STK32B: variants seen among roughly 807,000 people sequenced by gnomAD.
STK32B encodes serine/threonine-protein kinase 32B.
Under a neutral mutation model 52.6 loss-of-function variants are expected in STK32B, and 43 were observed. The observed-to-expected ratio is 0.82, with a 90% CI of 0.64 to 1.05. The LOEUF is 1.05. STK32B is among the 50% of genes least tolerant of loss of function. STK32B has a pLI of 0.00. For synonymous variants in STK32B, 238 were observed against 204.3 expected (o/e 1.17, Z -1.41); for missense variants, 621 against 534.6 (o/e 1.16, Z -1.59).
chr4:5,189,999 G>A (rs564952932), intron 3 of STK32B, among the ~76,000 whole-genome samples: 8 of 152,140 alleles, frequency 5.3e-5, no homozygotes, highest in Non-Finnish European at 7.3e-5. Flanking sequence ...AAGAATAAAT[G>A]TCCTTGTCTT....
intron 2 of STK32B, among the ~76,000 whole-genome samples, chr4:5,162,288 T>G (rs1222311775): frequency 6.6e-6 from 1 of 152,212 alleles, no homozygotes; most frequent in Non-Finnish European, 1.5e-5. Context: ...GAAATCATTC[T>G]CAACTCTGGT....
intron 4 of STK32B, among the ~76,000 whole-genome samples, chr4:5,372,832 G>C (rs1424835981): frequency 6.6e-6 from 1 of 151,952 alleles, no homozygotes; most frequent in South Asian, 2.1e-4. Context: ...TTATGCTATG[G>C]AGCATGAAAG....
At chr4:5,497,176 T>C (rs1259478957) in intron 11 of STK32B, among the ~76,000 whole-genome samples, 14 of 152,204 alleles carry the variant, frequency 9.2e-5, no homozygotes, top group Non-Finnish European at 7.3e-5. Context: ...CCTGCAGTAT[T>C]TGAACATGTT....
At chr4:5,340,447 C>T (rs1733000321) in intron 4 of STK32B, among the ~76,000 whole-genome samples, 1 of 152,142 alleles carries the variant, frequency 6.6e-6, no homozygotes, top group South Asian at 2.1e-4. Context: ...TTGAGAGGCC[C>T]CAGGTGGGTG....
chr4:5,447,743 T>C (rs1309742735), intron 7 of STK32B, among the ~76,000 whole-genome samples: 1 of 152,254 alleles, frequency 6.6e-6, no homozygotes, highest in African/African-American at 2.4e-5. Context: ...CATGGTTTCC[T>C]CATTGTTATA....
intron 1 of STK32B, among the ~76,000 whole-genome samples, chr4:5,096,380 C>T (rs766839236): frequency 2.0e-5 from 3 of 152,184 alleles, no homozygotes; most frequent in Non-Finnish European, 2.9e-5. Context: ...GGAGCCAGCA[C>T]GTGGTCAACA....
At chr4:5,153,871 T>G (rs1277666677) in intron 2 of STK32B, among the ~76,000 whole-genome samples, 1 of 152,192 alleles carries the variant, frequency 6.6e-6, no homozygotes, top group African/African-American at 2.4e-5. Flanking sequence ...AAACTATGTT[T>G]ATGCTTTGGA....
intron 3 of STK32B, among the ~76,000 whole-genome samples, chr4:5,293,337 T>C (rs1729003262): frequency 6.6e-6 from 1 of 152,128 alleles, no homozygotes; most frequent in Non-Finnish European, 1.5e-5. Flanking sequence ...ATGGTATTTT[T>C]GGTTCTAGAT....
chr4:5,302,330 A>T (rs1729618882), intron 3 of STK32B, among the ~76,000 whole-genome samples: 1 of 151,886 alleles, frequency 6.6e-6, no homozygotes, highest in African/African-American at 2.4e-5. Flanking sequence ...ATTTTAATTA[A>T]GTTTAACATA....
At chr4:5,043,125 A>C in the STK32B span, among the ~76,000 whole-genome samples, 430 of 151,542 alleles carry the variant, frequency 2.8e-3, 5 homozygotes, top group African/African-American at 9.6e-3. Context: ...AAAAAAAAAA[A>C]AAAAAAAAAA....
At chr4:5,248,309 GGCTT>G (rs1221165551) in intron 3 of STK32B, among the ~76,000 whole-genome samples, 1 of 152,166 alleles carries the variant, frequency 6.6e-6, no homozygotes, top group Non-Finnish European at 1.5e-5. Flanking sequence ...AGATGCCCTA[GGCTT>G]TCAGCTTTAG....
intron 3 of STK32B, among the ~76,000 whole-genome samples, chr4:5,246,452 G>GT (rs1273843391): frequency 6.6e-6 from 1 of 152,084 alleles, no homozygotes; most frequent in Non-Finnish European, 1.5e-5. Flanking sequence ...CTCTGCATTG[G>GT]TTTTTCTAGT....
upstream of STK32B, among the ~76,000 whole-genome samples, chr4:5,049,834 G>C (rs553024260): frequency 7.2e-5 from 11 of 152,076 alleles, no homozygotes; most frequent in African/African-American, 2.7e-4. Context: ...TGATCCACCC[G>C]CCTCAGCCTC....
rs1717514219 is a variant in STK32B, at chr4:5,467,243, T to C, written c.1041+409T>C. Among the ~76,000 whole-genome samples, 3 of 152,280 alleles carry C rather than the reference T, an allele frequency of 2.0e-5. No individual in the cohort carries two copies. The South Asian group carries it at 6.2e-4, about 32-fold the overall frequency. On this transcript the variant is annotated intron_variant, in intron 10 of 11. Coordinates refer to ENST00000282908, the MANE Select transcript of STK32B (RefSeq NM_018401.3). This position sits in a 1 kb window ranked among gnomAD's most constrained non-coding sequence, Gnocchi z 5.8. The stretch of plus-strand genomic sequence containing the variant: ...GCTAGGTGGCTTAAAACAACCCACA[T>C]TGATTCTCTCACGGTTCTGGAGGCC...
At chr4:5,200,222 C>T (rs1722023421) in intron 3 of STK32B, among the ~76,000 whole-genome samples, 1 of 151,390 alleles carries the variant, frequency 6.6e-6, no homozygotes, top group Admixed American at 6.6e-5. Flanking sequence ...TATACACTGC[C>T]TGCTTTGTTT....
chr4:5,367,383 C>T (rs150064412), intron 4 of STK32B, among the ~76,000 whole-genome samples: 128 of 152,274 alleles, frequency 8.4e-4, no homozygotes, highest in Non-Finnish European at 1.3e-3. Flanking sequence ...TGGGTGGACT[C>T]TGCATCAGGT....
At position 5,460,233 on chromosome 4, in the gene STK32B, G is replaced by A. The variant is rs751966058; in HGVS notation, c.909+5G>A. 1 of 1,608,670 alleles carries A rather than the reference G, an allele frequency of 6.2e-7. No homozygotes were observed. Among genetic ancestry groups the A allele is most frequent in the South Asian group, 1.1e-5 (1 of 90,096 alleles). On this transcript the variant is annotated splice_donor_5th_base_variant and intron_variant, in intron 9 of 11. Transcript: ENST00000282908. The surrounding 1 kb of genome is among the most constrained non-coding windows in gnomAD (Gnocchi z 4.8). ...ATGCCCGGCTTTGTGCCCAATGTGA[G>A]TGGAAGTCCCACCTGATGTCATGCC...
intron 1 of STK32B, among the ~76,000 whole-genome samples, chr4:5,060,519 C>T (rs146244899): frequency 0.01 from 1,562 of 151,608 alleles, 23 homozygotes; most frequent in African/African-American, 0.036. Context: ...AAATAGTTTT[C>T]TTCTGTACAC....
At chr4:5,083,953 T>A (rs1712580266) in intron 1 of STK32B, among the ~76,000 whole-genome samples, 1 of 152,188 alleles carries the variant, frequency 6.6e-6, no homozygotes, top group South Asian at 2.1e-4. Flanking sequence ...GCCAGGCTAG[T>A]CTTGAACTCC....
Sources: allele counts gnomAD v4.1 joint callset (sites outside exome capture counted in the v4.1 genomes callset), GRCh38; gene constraint gnomAD v4.1.1; non-coding constraint Gnocchi (gnomAD v3.1); transcripts MANE v1.5; gene names NCBI Gene and HGNC (gene_info 2026-07-23, HGNC 2026-07-21).